The following NAALADL2 variants were observed in gnomAD, a reference collection of about 807,000 sequenced individuals.
NAALADL2 encodes the protein N-acetylated alpha-linked acidic dipeptidase like 2.
In NAALADL2, 76 loss-of-function variants were observed where a neutral mutation model predicts 87.2. The observed-to-expected ratio is 0.87, with a 90% CI of 0.72 to 1.05. The LOEUF is 1.05. Ranked by LOEUF, NAALADL2 falls within the 50% of genes least tolerant of loss-of-function variation. The pLI is 0.00. For synonymous variants in NAALADL2, 354 were observed against 331.0 expected (o/e 1.07, Z -0.75); for missense variants, 1,089 against 945.8 (o/e 1.15, Z -1.99).
chr3:175,674,221 T>C (rs1054461849), intron 11 of NAALADL2, among the ~76,000 whole-genome samples: 1 of 152,062 alleles, frequency 6.6e-6, no homozygotes, highest in African/African-American at 2.4e-5. Flanking sequence ...CATTTTGTTT[T>C]GTAAAAGTGA....
In NAALADL2 at chr3:175,667,181, GAGAAAGAAAGAAAGAAAGAAAGAA is replaced by G. The variant is rs201860926; in HGVS notation, c.1896+39833_1896+39856del. On this transcript the variant is annotated intron_variant, in intron 11 of 13. Transcript: ENST00000454872. ...AAAGAAAAAGAAAGAAAGAAAGAAAGAGAAAGAAAGAAAGAAAGAAAGAAAGAAAGAAAGAAAGAAAGAAAGAAA... is the reference window on the plus strand; with the variant it reads ...AAAGAAAAAGAAAGAAAGAAAGAAAGAGAAAGAAAGAAAGAAAGAAAGAAA... Among the ~76,000 whole-genome samples the G allele has an allele frequency of 2.2e-4, 21 of 95,236 alleles. No individual in the cohort carries two copies. In the East Asian group the frequency reaches 3.6e-3, roughly 16 times the overall value. The allele number at this position is 95,236 out of a possible 152,430, so 62.5% of individuals were successfully genotyped here.
At chr3:175,665,738 C>A (rs1370979050) in intron 11 of NAALADL2, among the ~76,000 whole-genome samples, 1 of 152,142 alleles carries the variant, frequency 6.6e-6, no homozygotes, top group Non-Finnish European at 1.5e-5. Context: ...TGAGACCATC[C>A]TGGCCAACAT....
chr3:175,184,212 G>A (rs1017624256), intron 2 of NAALADL2, among the ~76,000 whole-genome samples: 4 of 152,070 alleles, frequency 2.6e-5, no homozygotes, highest in African/African-American at 9.7e-5. Context: ...GAAGAATGGA[G>A]TTTGCATGAG....
chr3:174,968,604 C>T (rs533991464), intron 1 of NAALADL2, among the ~76,000 whole-genome samples: 1 of 151,964 alleles, frequency 6.6e-6, no homozygotes, highest in Non-Finnish European at 1.5e-5. Flanking sequence ...CTCAGCCTCC[C>T]GAGTAGCTGG....
intron 5 of NAALADL2, among the ~76,000 whole-genome samples, chr3:175,403,057 G>T (rs140465056): frequency 2.0e-5 from 3 of 152,012 alleles, no homozygotes; most frequent in Admixed American, 6.6e-5. Flanking sequence ...TTTTTTGTTT[G>T]TTTTATTTTG....
At chr3:175,475,530 G>T (rs1048120577) in intron 9 of NAALADL2, among the ~76,000 whole-genome samples, 3 of 152,114 alleles carry the variant, frequency 2.0e-5, no homozygotes, top group Non-Finnish European at 2.9e-5. Flanking sequence ...TAAGAAAATA[G>T]CAATGAAATT....
At chr3:174,793,790 A>G (rs1429451087) in intron 3 of NAALADL2, among the ~76,000 whole-genome samples, 2 of 151,364 alleles carry the variant, frequency 1.3e-5, no homozygotes, top group Admixed American at 6.6e-5. Context: ...AAAAAGTTTT[A>G]TGTTAGTCCC....
At chr3:174,935,243 T>C (rs1376034820) in intron 1 of NAALADL2, among the ~76,000 whole-genome samples, 1 of 152,200 alleles carries the variant, frequency 6.6e-6, no homozygotes, top group Non-Finnish European at 1.5e-5. Flanking sequence ...TCTAAAACAA[T>C]ATTAATGAGG....
intron 4 of NAALADL2, among the ~76,000 whole-genome samples, chr3:175,278,339 T>A (rs1344909989): frequency 3.3e-5 from 5 of 152,170 alleles, no homozygotes; most frequent in Non-Finnish European, 7.3e-5. Flanking sequence ...TGCATCTAGT[T>A]GCATCTAGTT....
At chr3:174,571,033 T>G (rs1485734085) in intron 2 of NAALADL2, among the ~76,000 whole-genome samples, 1 of 152,184 alleles carries the variant, frequency 6.6e-6, no homozygotes, top group East Asian at 1.9e-4. Context: ...AATCATGAAT[T>G]CTGATTCTGT....
At chr3:174,906,982 T>A (rs900444869) in intron 1 of NAALADL2, among the ~76,000 whole-genome samples, 2 of 152,092 alleles carry the variant, frequency 1.3e-5, no homozygotes, top group Non-Finnish European at 2.9e-5. Flanking sequence ...AAATCCTTTT[T>A]AAAAATCAGA....
At chr3:174,790,294 A>G (rs970468966) in intron 3 of NAALADL2, among the ~76,000 whole-genome samples, 3 of 152,172 alleles carry the variant, frequency 2.0e-5, no homozygotes, top group Non-Finnish European at 4.4e-5. Context: ...GGCATGCTGC[A>G]TCCGATTTGC....
At chr3:174,829,024 A>T (rs1398178386) in intron 3 of NAALADL2, among the ~76,000 whole-genome samples, 1 of 152,212 alleles carries the variant, frequency 6.6e-6, no homozygotes, top group Non-Finnish European at 1.5e-5. Context: ...GCCTATTATG[A>T]TCAGGCCCTG....
intron 9 of NAALADL2, among the ~76,000 whole-genome samples, chr3:175,566,475 C>T (rs943843768): frequency 3.9e-5 from 6 of 152,076 alleles, no homozygotes; most frequent in Non-Finnish European, 7.4e-5. Flanking sequence ...GGAGATTGTT[C>T]ATTATCAGTG....
Position 175,576,117 on chromosome 3 carries a change from C to G in NAALADL2, c.1730C>G (p.Ala577Gly), listed in dbSNP as rs1043104485. Residue 577 changes from alanine (A) to glycine (G), a missense_variant, in exon 10 of 14, where the codon GCT becomes GGT. Coordinates refer to ENST00000454872, the MANE Select transcript of NAALADL2 (RefSeq NM_207015.3). ...NISSIQIQGD[A>G]DYFINHLGVP... ...AGTTCTATACAGATACAAGGTGATG[C>G]TGATTATTTCATCAACCATCTTGGA... 1 of 1,613,166 alleles carries G rather than the reference C, an allele frequency of 6.2e-7. No homozygotes were observed. The highest frequency in any genetic ancestry group is 8.5e-7 in the Non-Finnish European group (1 of 1,179,154).
chr3:174,734,002 C>A (rs1027716269), intron 2 of NAALADL2, among the ~76,000 whole-genome samples: 2 of 152,076 alleles, frequency 1.3e-5, no homozygotes, highest in Admixed American at 6.6e-5. Context: ...GCTTTAAGAC[C>A]AGAAGGGTCA....
At chr3:175,465,400 G>A (rs1460994219) in intron 7 of NAALADL2, among the ~76,000 whole-genome samples, 6 of 151,020 alleles carry the variant, frequency 4.0e-5, no homozygotes, top group African/African-American at 1.5e-4. Flanking sequence ...ATTTATGGGA[G>A]ATAAGTGAAT....
chr3:174,735,343 T>G (rs1733094282), intron 2 of NAALADL2, among the ~76,000 whole-genome samples: 1 of 152,212 alleles, frequency 6.6e-6, no homozygotes, highest in Non-Finnish European at 1.5e-5. Flanking sequence ...ATTCTCACAA[T>G]AGTTCTGCAA....
intron 3 of NAALADL2, among the ~76,000 whole-genome samples, chr3:174,770,343 A>G (rs1365730186): frequency 6.6e-6 from 1 of 152,202 alleles, no homozygotes; most frequent in Non-Finnish European, 1.5e-5. Flanking sequence ...AAGATGTTAA[A>G]TTGGTGAGAA....
Sources: gnomAD v4.1 joint callset for allele counts (sites outside exome capture counted in the v4.1 genomes callset) on GRCh38, gnomAD v4.1.1 for gene constraint, MANE v1.5 for transcripts, NCBI Gene and HGNC (gene_info 2026-07-23, HGNC 2026-07-21) for gene names.